Variants in CXCL13 observed in about 807,000 individuals in gnomAD.
CXCL13 encodes the protein C-X-C motif chemokine 13.
Under a neutral mutation model 12.2 loss-of-function variants are expected in CXCL13, and 7 were observed. The ratio of observed to expected loss-of-function variants is 0.57; its 90% CI spans 0.33 to 1.07. The LOEUF is 1.07. Among genes scored for constraint, CXCL13 ranks in the 50% least tolerant of loss-of-function variants. The pLI, the probability that CXCL13 is intolerant of heterozygous loss-of-function variation, is 0.04. For synonymous variants in CXCL13, 47 were observed against 42.4 expected (o/e 1.11, Z -0.42); for missense variants, 113 against 127.4 (o/e 0.89, Z 0.55).
intron 1 of CXCL13, among the ~76,000 whole-genome samples, chr4:77,587,807 C>G (rs905084898): frequency 1.3e-5 from 2 of 152,204 alleles, no homozygotes; most frequent in South Asian, 4.1e-4. Flanking sequence ...GCAAGGATAA[C>G]GAGCGTGAAA....
intron 1 of CXCL13, among the ~76,000 whole-genome samples, chr4:77,530,565 G>T (rs887209632): frequency 6.6e-6 from 1 of 152,144 alleles, no homozygotes; most frequent in Non-Finnish European, 1.5e-5. Flanking sequence ...ATTTCATAGA[G>T]GTGTTTATAG....
chr4:77,610,167 C>A (rs1727112002), intron 2 of CXCL13, among the ~76,000 whole-genome samples: 1 of 147,980 alleles, frequency 6.8e-6, no homozygotes, highest in African/African-American at 2.6e-5. Flanking sequence ...TGTGAAATTG[C>A]ACTGAATTTT....
chr4:77,551,791 C>CT (rs201213684), intron 1 of CXCL13, among the ~76,000 whole-genome samples: 2,487 of 151,994 alleles, frequency 0.016, 76 homozygotes, highest in African/African-American at 0.057. Context: ...TTTTTAAATT[C>CT]TTTTTTCTGT....
intron 1 of CXCL13, among the ~76,000 whole-genome samples, chr4:77,529,189 G>A (rs1471155473): frequency 6.6e-6 from 1 of 152,158 alleles, no homozygotes; most frequent in East Asian, 1.9e-4. Flanking sequence ...TAGCCTTGTA[G>A]CATAGTTTGA....
At chr4:77,544,819 T>A (rs355668) in intron 1 of CXCL13, among the ~76,000 whole-genome samples, 1 of 152,162 alleles carries the variant, frequency 6.6e-6, no homozygotes, top group Admixed American at 6.5e-5. Context: ...GAAGTCCTTG[T>A]CCATGCCTAT....
At chr4:77,552,931 G>A (rs1424320470) in intron 1 of CXCL13, among the ~76,000 whole-genome samples, 1 of 152,228 alleles carries the variant, frequency 6.6e-6, no homozygotes, top group African/African-American at 2.4e-5. Context: ...GGATCTGCAT[G>A]GGCGTGGAGC....
intron 1 of CXCL13, among the ~76,000 whole-genome samples, chr4:77,519,841 A>G (rs200519658): frequency 9.2e-5 from 14 of 151,990 alleles, no homozygotes; most frequent in Admixed American, 4.6e-4. Flanking sequence ...GATTTTTATG[A>G]TTTTAGGTCT....
chr4:77,545,360 T>G (rs943983969), intron 1 of CXCL13, among the ~76,000 whole-genome samples: 2 of 152,240 alleles, frequency 1.3e-5, no homozygotes, highest in African/African-American at 4.8e-5. Flanking sequence ...TTCATGATAT[T>G]GATTCTTCCT....
chr4:77,543,702 C>T (rs1051833006), intron 1 of CXCL13, among the ~76,000 whole-genome samples: 1 of 151,752 alleles, frequency 6.6e-6, no homozygotes, highest in Non-Finnish European at 1.5e-5. Flanking sequence ...ATTTTTATTC[C>T]AATATGGTCT....
intron 1 of CXCL13, among the ~76,000 whole-genome samples, chr4:77,561,642 T>C (rs973315999): frequency 3.3e-5 from 5 of 152,230 alleles, no homozygotes; most frequent in African/African-American, 1.2e-4. Flanking sequence ...CCTGCCTATA[T>C]GTCCCTGCCC....
intron 1 of CXCL13, among the ~76,000 whole-genome samples, chr4:77,513,572 C>T (rs762373687): frequency 1.6e-4 from 24 of 152,116 alleles, no homozygotes; most frequent in Middle Eastern, 3.2e-3. Context: ...CTGCCTCAGC[C>T]TCCTGAGTAG....
intron 1 of CXCL13, among the ~76,000 whole-genome samples, chr4:77,549,106 C>A (rs1464680972): frequency 6.6e-6 from 1 of 152,138 alleles, no homozygotes; most frequent in Non-Finnish European, 1.5e-5. Context: ...TCACTGATAT[C>A]CTTTCTTCCA....
At chr4:77,587,718 G>T (rs4859861) in intron 1 of CXCL13, among the ~76,000 whole-genome samples, 1 of 152,216 alleles carries the variant, frequency 6.6e-6, no homozygotes, top group East Asian at 1.9e-4. Context: ...CATGAAACTA[G>T]TAAGAGGAAG....
chr4:77,570,390 G>A (rs979519877), intron 1 of CXCL13, among the ~76,000 whole-genome samples: 3 of 152,306 alleles, frequency 2.0e-5, no homozygotes, highest in African/African-American at 7.2e-5. Context: ...CTAATATCCA[G>A]CATCTATAAT....
intron 1 of CXCL13, among the ~76,000 whole-genome samples, chr4:77,552,520 G>A (rs923459458): frequency 6.6e-6 from 1 of 152,232 alleles, no homozygotes; most frequent in South Asian, 2.1e-4. Flanking sequence ...GTTGCCTCAG[G>A]AAATGGGCTT....
chr4:77,583,683 T>C (rs560081268), intron 1 of CXCL13, among the ~76,000 whole-genome samples: 42 of 152,230 alleles, frequency 2.8e-4, no homozygotes, highest in African/African-American at 7.0e-4. Flanking sequence ...ACTTCACCAA[T>C]GAAACAGCAC....
At chr4:77,580,758 T>G (rs1450818964) in intron 1 of CXCL13, among the ~76,000 whole-genome samples, 1 of 64,892 alleles carries the variant, frequency 1.5e-5, no homozygotes, top group African/African-American at 6.3e-5. Context: ...TCCCCTCCCC[T>G]CCTCTCCCTC....
intron 1 of CXCL13, among the ~76,000 whole-genome samples, chr4:77,606,679 A>G (rs867619861): frequency 6.6e-6 from 1 of 152,202 alleles, no homozygotes; most frequent in African/African-American, 2.4e-5. Context: ...CTCCCGGCAG[A>G]GGTAGCTCTT....
chr4:77,529,261 G>A (rs1724846531), intron 1 of CXCL13, among the ~76,000 whole-genome samples: 1 of 152,164 alleles, frequency 6.6e-6, no homozygotes, highest in Admixed American at 6.6e-5. Context: ...TGGCAATGCA[G>A]GCTCTTTTTT....
Sources: gnomAD v4.1 joint callset for allele counts (sites outside exome capture counted in the v4.1 genomes callset) on GRCh38, gnomAD v4.1.1 for gene constraint, MANE v1.5 for transcripts, NCBI Gene and HGNC (gene_info 2026-07-23, HGNC 2026-07-21) for gene names.